FAM81A: variants seen among roughly 807,000 people sequenced by gnomAD.
FAM81A encodes protein FAM81A.
A neutral mutation model predicts 46.7 loss-of-function variants in FAM81A; 19 were observed. The observed-to-expected ratio is 0.41, with a 90% CI of 0.28 to 0.60. FAM81A has a LOEUF of 0.60. Among genes scored for constraint, FAM81A ranks in the 20% least tolerant of loss-of-function variants. The probability of loss-of-function intolerance (pLI) is 0.34; values close to 1 mark genes in which losing one functional copy is unlikely to be tolerated. For missense variants in FAM81A, 377 were observed against 453.5 expected (o/e 0.83, Z 1.53); for synonymous variants, 183 against 152.9 (o/e 1.20, Z -1.45).
intron 3 of FAM81A, among the ~76,000 whole-genome samples, chr15:59,464,640 C>T (rs1187031164): frequency 6.6e-6 from 1 of 152,058 alleles, no homozygotes; most frequent in East Asian, 1.9e-4. Context: ...TTGTTCAAAT[C>T]ATTTACCCAT....
At chr15:59,484,657 G>T (rs1232003120) in intron 3 of FAM81A, among the ~76,000 whole-genome samples, 1 of 152,262 alleles carries the variant, frequency 6.6e-6, no homozygotes, top group Non-Finnish European at 1.5e-5. Context: ...GTAAGACTCA[G>T]ACATTCTGGC....
At chr15:59,424,874 T>C (rs1175979493) in intron 2 of FAM81A, among the ~76,000 whole-genome samples, 5 of 152,172 alleles carry the variant, frequency 3.3e-5, no homozygotes, top group Non-Finnish European at 7.4e-5. Context: ...CCTTCTCTTA[T>C]GCCCTCGTAA....
chr15:59,518,943 C>CTGTGTGTG (rs34494392), intron 8 of FAM81A, among the ~76,000 whole-genome samples: 55 of 143,140 alleles, frequency 3.8e-4, no homozygotes, highest in African/African-American at 1.1e-3. Flanking sequence ...GTGTGTGTGT[C>CTGTGTGTG]TGTGTGTGTG....
intron 2 of FAM81A, among the ~76,000 whole-genome samples, chr15:59,432,408 T>C (rs1211137537): frequency 6.6e-6 from 1 of 152,260 alleles, no homozygotes; most frequent in Non-Finnish European, 1.5e-5. Context: ...TGATATGTGC[T>C]GTCCTTGGGG....
chr15:59,432,445 A>G (rs2081224654), intron 2 of FAM81A, among the ~76,000 whole-genome samples: 1 of 152,170 alleles, frequency 6.6e-6, no homozygotes, highest in Non-Finnish European at 1.5e-5. Context: ...AACAACATTT[A>G]TTTAGTTCTC....
intron 7 of FAM81A, 62 bp from the exon 8 acceptor site, chr15:59,516,583 T>C (rs1489427077): frequency 1.2e-5 from 18 of 1,510,212 alleles, no homozygotes; most frequent in Non-Finnish European, 1.8e-6. Flanking sequence ...TTATGGCTGA[T>C]GTGAATGCAA....
At chr15:59,432,743 A>T (rs1033114815) in intron 2 of FAM81A, among the ~76,000 whole-genome samples, 1 of 152,206 alleles carries the variant, frequency 6.6e-6, no homozygotes, top group African/African-American at 2.4e-5. Context: ...CTATGATTGC[A>T]ACAGGGCCAG....
At chr15:59,520,619 A>T (rs1315311190) in intron 8 of FAM81A, among the ~76,000 whole-genome samples, 2 of 145,694 alleles carry the variant, frequency 1.4e-5, no homozygotes, top group African/African-American at 5.1e-5. Context: ...GCTGGAGTGC[A>T]GTAGCACAAT....
upstream of FAM81A, among the ~76,000 whole-genome samples, chr15:59,435,071 G>C (rs946839441): frequency 6.6e-6 from 1 of 152,118 alleles, no homozygotes; most frequent in African/African-American, 2.4e-5. Flanking sequence ...GGTGGATCAC[G>C]AGGTTAAGAG....
Position 59,426,585 on chromosome 15 carries a change from G to A in FAM81A, c.-78+24227G>A, listed in dbSNP as rs150879459. Among the ~76,000 whole-genome samples, 630 of 152,298 alleles carry A rather than the reference G, an allele frequency of 4.1e-3. 3 individuals carry two copies. The highest frequency in any genetic ancestry group is 0.014 in the African/African-American group (576 of 41,578). On this transcript the variant is annotated intron_variant, in intron 2 of 4. Transcript: ENST00000558348. ...CGAGATTGCGCCACTGTACTCCAGCGTGGGCAACAAGAGCGAAACTCTGTC... is the reference window on the plus strand; with the variant it reads ...CGAGATTGCGCCACTGTACTCCAGCATGGGCAACAAGAGCGAAACTCTGTC...
chr15:59,516,770 C>T lies in FAM81A; in HGVS notation c.912C>T (p.His304=), dbSNP rs368760375. 59 of 1,612,862 alleles carry T rather than the reference C, an allele frequency of 3.7e-5. No homozygotes were observed. The highest frequency in any genetic ancestry group is 4.0e-5 in the African/African-American group (3 of 74,816). ...CAAGGCAAGAAGAGGAGAAGATGCACGGGCGAATCACCAAGCTGGAGTTAC... is the reference window on the plus strand; with the variant it reads ...CAAGGCAAGAAGAGGAGAAGATGCATGGGCGAATCACCAAGCTGGAGTTAC... The part of the protein sequence containing the change: ...QRTRQEEEKM[H]GRITKLELQM... The change falls in exon 8 of 9, where the codon CAC becomes CAT. Residue 304 remains histidine (H), a synonymous_variant. Transcript: ENST00000288228.
intron 8 of FAM81A, among the ~76,000 whole-genome samples, chr15:59,520,202 A>G (rs577983574): frequency 6.6e-6 from 1 of 151,920 alleles, no homozygotes; most frequent in African/African-American, 2.4e-5. Flanking sequence ...AAGTTTGGAT[A>G]CCCCTGCCCT....
chr15:59,450,683 A>G (rs2081408475), intron 1 of FAM81A, among the ~76,000 whole-genome samples: 1 of 152,236 alleles, frequency 6.6e-6, no homozygotes, highest in South Asian at 2.1e-4. Flanking sequence ...AACAGAGCCA[A>G]TGTTGCATAT....
At chr15:59,402,105 C>G in intron 1 of FAM81A, 1 of 422,360 alleles carries the variant, frequency 2.4e-6, no homozygotes, top group Non-Finnish European at 4.2e-6. Flanking sequence ...GCAGGCCTGA[C>G]AGGAGAGTGA....
intron 6 of FAM81A, among the ~76,000 whole-genome samples, chr15:59,510,021 G>A (rs1171738343): frequency 2.0e-5 from 3 of 152,132 alleles, no homozygotes; most frequent in African/African-American, 4.8e-5. Context: ...TCAAAAGAGA[G>A]AATGGCAGAC....
At chr15:59,411,244 A>G (rs1039366720) in intron 2 of FAM81A, among the ~76,000 whole-genome samples, 2 of 152,212 alleles carry the variant, frequency 1.3e-5, no homozygotes, top group African/African-American at 2.4e-5. Flanking sequence ...CTTTGGGAAC[A>G]GTCGCTGGGG....
chr15:59,491,142 G>C (rs1223014078), intron 3 of FAM81A, among the ~76,000 whole-genome samples: 1 of 152,176 alleles, frequency 6.6e-6, no homozygotes, highest in Non-Finnish European at 1.5e-5. Context: ...ATCCACAATA[G>C]CCAAGATTTG....
intron 3 of FAM81A, among the ~76,000 whole-genome samples, chr15:59,479,604 A>C (rs2081823184): frequency 6.6e-6 from 1 of 151,086 alleles, no homozygotes; most frequent in African/African-American, 2.4e-5. Context: ...GGGCCAGGCA[A>C]GCCAAGGTGG....
intron 3 of FAM81A, among the ~76,000 whole-genome samples, chr15:59,463,529 A>G (rs1373972120): frequency 6.6e-6 from 1 of 152,126 alleles, no homozygotes; most frequent in Non-Finnish European, 1.5e-5. Flanking sequence ...TGACTTTGAT[A>G]GAGATTGCTT....
Sources: gnomAD v4.1 joint callset for allele counts (sites outside exome capture counted in the v4.1 genomes callset) on GRCh38, gnomAD v4.1.1 for gene constraint, MANE v1.5 for transcripts, NCBI Gene and HGNC (gene_info 2026-07-23, HGNC 2026-07-21) for gene names.